Variants in PSAT1 observed in about 807,000 individuals in gnomAD.
The protein encoded by PSAT1 is phosphoserine aminotransferase.
Under a neutral mutation model 40.3 loss-of-function variants are expected in PSAT1, and 41 were observed. The observed-to-expected ratio is 1.02, with a 90% CI of 0.79 to 1.32. PSAT1 has a LOEUF of 1.32. Ranked by LOEUF, PSAT1 falls within the 40% of genes most tolerant of loss-of-function variation. The pLI, the probability that PSAT1 is intolerant of heterozygous loss-of-function variation, is 0.00. For missense variants in PSAT1, 406 were observed against 455.8 expected, an observed-to-expected ratio of 0.89 and a Z score of 0.99; for synonymous variants, 147 against 170.5, an observed-to-expected ratio of 0.86 and a Z score of 1.07.
At chr9:78,313,584 C>T (rs73453050) in intron 6 of PSAT1, among the ~76,000 whole-genome samples, 191 of 152,308 alleles carry the variant, frequency 1.3e-3, no homozygotes, top group African/African-American at 4.2e-3. Context: ...TTTTCCACTC[C>T]ACAATATACC....
intron 7 of PSAT1, among the ~76,000 whole-genome samples, chr9:78,323,914 C>G (rs912270342): frequency 6.6e-6 from 1 of 152,182 alleles, no homozygotes; most frequent in Non-Finnish European, 1.5e-5. Context: ...GTATCTGACA[C>G]ATCCTTTCAG....
intron 7 of PSAT1, among the ~76,000 whole-genome samples, chr9:78,324,103 G>C (rs1351280629): frequency 6.6e-6 from 1 of 152,154 alleles, no homozygotes; most frequent in African/African-American, 2.4e-5. Flanking sequence ...TGAGCAGCGT[G>C]TCTCCGAGGG....
intron 7 of PSAT1, among the ~76,000 whole-genome samples, chr9:78,325,760 C>T (rs1232356262): frequency 1.3e-5 from 2 of 152,258 alleles, no homozygotes; most frequent in East Asian, 1.9e-4. Flanking sequence ...TAGAGACACT[C>T]TCCCATGGGT....
chr9:78,321,150 C>A lies in PSAT1; in HGVS notation c.869+3346C>A, dbSNP rs538868734. ...CTGGGGAATCTGGTCATCCTTCACA[C>A]CCAGAGCTCTTCACTCATTTCTGAA... On this transcript the variant is annotated intron_variant, in intron 7 of 8. Coordinates refer to ENST00000376588, the MANE Select transcript of PSAT1 (RefSeq NM_058179.4). 2.6e-5 allele frequency among the ~76,000 whole-genome samples: 4 copies of A among 152,284 alleles called. No individual in the cohort carries two copies. The South Asian group carries it at 6.2e-4, about 24-fold the overall frequency.
At chr9:78,308,347 GA>G in intron 5 of PSAT1, 66 bp from the exon 6 acceptor site, 1 of 1,548,360 alleles carries the variant, frequency 6.5e-7, no homozygotes, top group East Asian at 2.2e-5. Flanking sequence ...GAAGAGTTGG[GA>G]AGTTTGCATA....
intron 6 of PSAT1, among the ~76,000 whole-genome samples, chr9:78,317,401 T>G (rs1444378330): frequency 6.6e-6 from 1 of 152,160 alleles, no homozygotes; most frequent in Admixed American, 6.5e-5. Flanking sequence ...TATAGGCACA[T>G]GCTATCACAC....
At chr9:78,306,512 G>A in intron 5 of PSAT1, 26 bp downstream of exon 5, 1 of 1,613,978 alleles carries the variant, frequency 6.2e-7, no homozygotes, top group South Asian at 1.1e-5. Context: ...CAGGGTGAGG[G>A]GAACCCACTG....
chr9:78,298,832 C>T (rs1467867747), intron 1 of PSAT1, among the ~76,000 whole-genome samples: 1 of 151,934 alleles, frequency 6.6e-6, no homozygotes, highest in Non-Finnish European at 1.5e-5. Flanking sequence ...CTGTAACCTA[C>T]AGTGAAAAAC....
chr9:78,328,807 T>A (rs939130619), intron 8 of PSAT1, among the ~76,000 whole-genome samples, 174 bp from the exon 9 acceptor site: 1 of 152,222 alleles, frequency 6.6e-6, no homozygotes, highest in Non-Finnish European at 1.5e-5. Context: ...GGGAGAATTT[T>A]CTGATGACTG....
intron 6 of PSAT1, among the ~76,000 whole-genome samples, chr9:78,308,810 C>A (rs1269500529): frequency 6.6e-6 from 1 of 152,104 alleles, no homozygotes; most frequent in Non-Finnish European, 1.5e-5. Context: ...ACAAAATTAT[C>A]CAGGCGTGGT....
chr9:78,323,124 G>A (rs969396978), intron 7 of PSAT1, among the ~76,000 whole-genome samples: 1 of 152,204 alleles, frequency 6.6e-6, no homozygotes, highest in Non-Finnish European at 1.5e-5. Context: ...GGGGTCTGAT[G>A]AAAACAATGA....
chr9:78,326,730 T>C (rs1828502285), intron 7 of PSAT1, among the ~76,000 whole-genome samples: 1 of 151,562 alleles, frequency 6.6e-6, no homozygotes, highest in South Asian at 2.1e-4. Context: ...TGCTCGTAGT[T>C]TTTTGGGTCA....
intron 6 of PSAT1, among the ~76,000 whole-genome samples, chr9:78,311,545 T>A (rs1174363395): frequency 1.3e-5 from 2 of 152,094 alleles, no homozygotes; most frequent in Admixed American, 1.3e-4. Context: ...TAAAAAGGAA[T>A]GAACACGGCC....
rs1179873123 is a variant in PSAT1, at chr9:78,297,950, G to A, written c.60+680G>A. On this transcript the variant is annotated intron_variant, in intron 1 of 8. Transcript: ENST00000376588. ...CCCATAGAACCTACCCTTTCCTAAA[G>A]CCTTTCTCCCCACCCCCCTCCTTTT... Among the ~76,000 whole-genome samples the A allele has an allele frequency of 2.0e-5, 3 of 151,738 alleles. No homozygotes were observed. The East Asian group carries it at 5.8e-4, about 30-fold the overall frequency.
chr9:78,312,201 C>G (rs145846988), intron 6 of PSAT1, among the ~76,000 whole-genome samples: 2 of 152,190 alleles, frequency 1.3e-5, no homozygotes, highest in Non-Finnish European at 2.9e-5. Context: ...TTCTCTTTAA[C>G]CCTTCAGTAG....
At chr9:78,322,399 G>C (rs1828440768) in intron 7 of PSAT1, among the ~76,000 whole-genome samples, 1 of 152,214 alleles carries the variant, frequency 6.6e-6, no homozygotes, top group Non-Finnish European at 1.5e-5. Context: ...GATAGGACAA[G>C]GATGCAGCTG....
At chr9:78,319,152 G>T (rs565719179) in intron 7 of PSAT1, among the ~76,000 whole-genome samples, 9 of 152,294 alleles carry the variant, frequency 5.9e-5, no homozygotes, top group Admixed American at 1.3e-4. Context: ...TAATTCAGTG[G>T]CCACATGGGA....
intron 1 of PSAT1, among the ~76,000 whole-genome samples, chr9:78,297,475 C>T (rs1828043319): frequency 6.6e-6 from 1 of 152,218 alleles, no homozygotes; most frequent in South Asian, 2.1e-4. Context: ...CTCGGCGAGG[C>T]GTGCCCGTGC....
intron 7 of PSAT1, among the ~76,000 whole-genome samples, chr9:78,319,373 G>A (rs1413439216): frequency 1.3e-5 from 2 of 152,332 alleles, no homozygotes; most frequent in East Asian, 3.9e-4. Context: ...CCCAGGGGGA[G>A]TTAGGCTTGG....
Sources: allele counts gnomAD v4.1 joint callset (sites outside exome capture counted in the v4.1 genomes callset), GRCh38; gene constraint gnomAD v4.1.1; transcripts MANE v1.5; gene names NCBI Gene and HGNC (gene_info 2026-07-23, HGNC 2026-07-21).